Variants in NFYC observed in about 807,000 individuals in gnomAD.
The protein encoded by NFYC is CAAT box DNA-binding protein subunit C.
Under a neutral mutation model 53.1 loss-of-function variants are expected in NFYC, and 25 were observed. The ratio of observed to expected loss-of-function variants is 0.47; its 90% CI spans 0.34 to 0.66. NFYC has a LOEUF of 0.66. Ranked by LOEUF, NFYC falls within the 30% of genes least tolerant of loss-of-function variation. NFYC has a pLI of 0.01. For synonymous variants in NFYC, 145 were observed against 152.6 expected (o/e 0.95, Z 0.37); for missense variants, 260 against 422.7 (o/e 0.62, Z 3.38).
Position 40,771,506 on chromosome 1 carries a change from C to T in NFYC, c.*678C>T, listed in dbSNP as rs778258372. Reference sequence around the variant, plus strand: ...ACTAGGACTTTGTGTGTTTGCTGCCCACCTCCCTTTTATTTTTTAAATGCA... The same window carrying T: ...ACTAGGACTTTGTGTGTTTGCTGCCTACCTCCCTTTTATTTTTTAAATGCA... On this transcript the variant is annotated 3_prime_UTR_variant, in exon 10 of 10. Transcript: ENST00000447388. 24 of 458,818 alleles carry T rather than the reference C, an allele frequency of 5.2e-5. No individual in the cohort carries two copies. Among genetic ancestry groups the T allele is most frequent in the Non-Finnish European group, 9.0e-5 (20 of 222,252 alleles). 28.4% of individuals were successfully genotyped at this position (458,818 alleles called of 1,614,324 possible).
At chr1:40,714,700 A>C (rs1644059149) in intron 1 of NFYC, among the ~76,000 whole-genome samples, 1 of 147,840 alleles carries the variant, frequency 6.8e-6, no homozygotes, top group Non-Finnish European at 1.5e-5. Flanking sequence ...CTGCAACCTT[A>C]AACTCCTGGG....
At chr1:40,720,643 G>GATC (rs1258687000) in intron 1 of NFYC, among the ~76,000 whole-genome samples, 1 of 152,140 alleles carries the variant, frequency 6.6e-6, no homozygotes, top group Admixed American at 6.5e-5. Context: ...AAAGTGAGAG[G>GATC]ATCACTTGAG....
At chr1:40,725,402 G>A (rs369141662) in intron 1 of NFYC, among the ~76,000 whole-genome samples, 6 of 152,184 alleles carry the variant, frequency 3.9e-5, no homozygotes, top group Non-Finnish European at 5.9e-5. Flanking sequence ...GGCAGCAAGC[G>A]TCCAGTACAC....
chr1:40,769,067 T>G, intron 8 of NFYC: 1 of 348,296 alleles, frequency 2.9e-6, no homozygotes, highest in Admixed American at 4.2e-5. Context: ...AGCCTCAGAG[T>G]TTGAGATGAG....
At chr1:40,742,044 T>C (rs1285841609) in intron 2 of NFYC, among the ~76,000 whole-genome samples, 1 of 151,926 alleles carries the variant, frequency 6.6e-6, no homozygotes, top group African/African-American at 2.4e-5. Context: ...GCTAGGACTC[T>C]AGTTGTGCAC....
intron 1 of NFYC, among the ~76,000 whole-genome samples, chr1:40,713,405 A>G (rs1346431503): frequency 6.6e-6 from 1 of 152,240 alleles, no homozygotes; most frequent in Non-Finnish European, 1.5e-5. Context: ...TAAAAACAGC[A>G]ATCGTGGTCA....
chr1:40,743,389 C>G (rs749313832), intron 2 of NFYC, among the ~76,000 whole-genome samples: 2 of 152,238 alleles, frequency 1.3e-5, no homozygotes, highest in Non-Finnish European at 2.9e-5. Context: ...TAACAGACTT[C>G]TTCGTGTTGA....
At chr1:40,699,561 T>C (rs75625393) in intron 1 of NFYC, among the ~76,000 whole-genome samples, 2 of 152,232 alleles carry the variant, frequency 1.3e-5, no homozygotes, top group African/African-American at 2.4e-5. Flanking sequence ...TTGGGGCCTT[T>C]TAAGAAGCCA....
chr1:40,759,808 A>T (rs1646446498), intron 6 of NFYC, among the ~76,000 whole-genome samples: 2 of 152,144 alleles, frequency 1.3e-5, no homozygotes, highest in South Asian at 4.1e-4. Flanking sequence ...GAAACAGTAC[A>T]GGGGGCCGTA....
chr1:40,763,654 CTTAT>C (rs1646677024), intron 7 of NFYC, among the ~76,000 whole-genome samples: 2 of 152,130 alleles, frequency 1.3e-5, no homozygotes, highest in South Asian at 4.1e-4. Context: ...GCCCTCAGTA[CTTAT>C]TTATATATAT....
Position 40,766,981 on chromosome 1 carries a change from A to G in NFYC, c.828+278A>G, listed in dbSNP as rs1219970168. The stretch of plus-strand genomic sequence containing the variant: ...CCTGAAAGAAACCTTACAGGTGTGC[A>G]CACCCATCAGACCTGGGAAATGTTC... On this transcript the variant is annotated intron_variant, in intron 8 of 9. Coordinates refer to ENST00000447388, the MANE Select transcript of NFYC (RefSeq NM_014223.5). 1.5e-5 allele frequency: 23 copies of G among 1,551,914 alleles called. No homozygotes were observed. The Admixed American group carries it at 2.7e-4, about 19-fold the overall frequency.
chr1:40,754,823 G>A (rs569849011), intron 5 of NFYC, among the ~76,000 whole-genome samples: 3 of 150,678 alleles, frequency 2.0e-5, no homozygotes, highest in Non-Finnish European at 4.4e-5. Flanking sequence ...GTGTCATACA[G>A]CTCCTTATTC....
Position 40,771,149 on chromosome 1 carries a change from T to G in NFYC, c.*321T>G. On this transcript the variant is annotated 3_prime_UTR_variant, in exon 10 of 10. Coordinates refer to ENST00000447388, the MANE Select transcript of NFYC (RefSeq NM_014223.5). Reference sequence around the variant, plus strand: ...TTGAAGAGTGTGGTTGAAGAAATATTTCTCCTTTTGTTTTTCTTTTTTTTT... The same window carrying G: ...TTGAAGAGTGTGGTTGAAGAAATATGTCTCCTTTTGTTTTTCTTTTTTTTT... 1 of 397,738 alleles carries G rather than the reference T, an allele frequency of 2.5e-6. No homozygotes were observed. 24.6% of individuals were successfully genotyped at this position (397,738 alleles called of 1,614,324 possible).
Position 40,698,320 on chromosome 1 carries a change from C to T in NFYC, c.-9+6453C>T, listed in dbSNP as rs556679530. ...GAGGCTGCAGTGAGCTGAGATCATG[C>T]CCCTGCACTCCAGCCTGGGTGACAG... On this transcript the variant is annotated intron_variant, in intron 1 of 9. Transcript: ENST00000447388. Among the ~76,000 whole-genome samples, 5 of 151,560 alleles carry T rather than the reference C, an allele frequency of 3.3e-5. No individual in the cohort carries two copies. In the South Asian group the frequency reaches 1.0e-3, roughly 32 times the overall value.
chr1:40,713,906 A>G (rs769776074), intron 1 of NFYC, among the ~76,000 whole-genome samples: 2 of 152,196 alleles, frequency 1.3e-5, no homozygotes, highest in Admixed American at 6.5e-5. Flanking sequence ...CTTTACCTGA[A>G]GTGTGTTGGT....
intron 1 of NFYC, among the ~76,000 whole-genome samples, chr1:40,733,985 G>T (rs1644898462): frequency 6.6e-6 from 1 of 152,120 alleles, no homozygotes; most frequent in African/African-American, 2.4e-5. Context: ...GACCTCAAGT[G>T]ATCCTCCACC....
chr1:40,719,509 CTT>C (rs1340461306), intron 1 of NFYC, among the ~76,000 whole-genome samples: 1 of 152,216 alleles, frequency 6.6e-6, no homozygotes, highest in African/African-American at 2.4e-5. Context: ...TCTATCTCCA[CTT>C]TTGTTTGGTA....
intron 1 of NFYC, among the ~76,000 whole-genome samples, chr1:40,736,987 CGTG>C (rs1645061651): frequency 6.6e-6 from 1 of 151,694 alleles, no homozygotes; most frequent in Non-Finnish European, 1.5e-5. Context: ...ATTAGCTAGG[CGTG>C]GTGGCAGATG....
chr1:40,718,763 GATAC>G (rs1245361374), intron 1 of NFYC, among the ~76,000 whole-genome samples: 1 of 152,232 alleles, frequency 6.6e-6, no homozygotes, highest in Admixed American at 6.5e-5. Context: ...TAGCTATGCA[GATAC>G]ATACTTTGTG....
Sources: gnomAD v4.1 joint callset for allele counts (sites outside exome capture counted in the v4.1 genomes callset) on GRCh38, gnomAD v4.1.1 for gene constraint, MANE v1.5 for transcripts, NCBI Gene and HGNC (gene_info 2026-07-23, HGNC 2026-07-21) for gene names.